FRMPD4: variants seen among roughly 807,000 people sequenced by gnomAD.
FRMPD4 encodes FERM and PDZ domain-containing protein 4.
FRMPD4 carries 22 observed loss-of-function variants against 94.1 expected under a neutral mutation model. That is an observed-to-expected ratio of 0.23 (90% CI 0.17 to 0.33). The LOEUF is 0.33. Among genes scored for constraint, FRMPD4 ranks in the 10% least tolerant of loss-of-function variants. FRMPD4 has a pLI of 1.00. For missense variants in FRMPD4, 1,111 were observed against 1,339.9 expected (o/e 0.83, Z 2.67); for synonymous variants, 631 against 548.6 (o/e 1.15, Z -2.10).
chrX:11,876,845 G>A (rs772170961), intron 2 of FRMPD4, among the ~76,000 whole-genome samples: 1 of 112,509 alleles, frequency 8.9e-6, no homozygotes, highest in African/African-American at 3.2e-5. Context: ...GTCTATAGCA[G>A]TGGTTTCAAC....
chrX:12,362,713 A>G (rs1183351271), intron 1 of FRMPD4, among the ~76,000 whole-genome samples: 3 of 111,873 alleles, frequency 2.7e-5, no homozygotes, highest in Admixed American at 1.9e-4. Flanking sequence ...TCCTTTGGGT[A>G]TATACCCAGT....
chrX:12,253,621 C>G (rs1029093778), intron 1 of FRMPD4, among the ~76,000 whole-genome samples: 2 of 111,027 alleles, frequency 1.8e-5, no homozygotes, highest in Non-Finnish European at 3.8e-5. Context: ...AGAATTATTC[C>G]AAGTGTATTT....
chrX:12,696,589 A>C (rs2060135106), intron 9 of FRMPD4, among the ~76,000 whole-genome samples: 1 of 99,985 alleles, frequency 1.0e-5, no homozygotes, highest in African/African-American at 4.2e-5. Flanking sequence ...AATGAAGCAA[A>C]AAAAAAAAAA....
Position 12,627,232 on chromosome X carries a change from C to T in FRMPD4, c.422+12351C>T, listed in dbSNP as rs975429855. ...TGGAGGTTTTAGTGAGCCGAGATCA[C>T]GCCATTGCACTCCAGCTTGGGCGAC... On this transcript the variant is annotated intron_variant, in intron 4 of 16. Transcript: ENST00000675598. 8.9e-5 allele frequency among the ~76,000 whole-genome samples: 10 copies of T among 112,086 alleles called. No homozygotes were observed. In the East Asian group the frequency reaches 1.1e-3, roughly 12 times the overall value.
At chrX:12,521,472 C>T (rs767240411) in intron 2 of FRMPD4, among the ~76,000 whole-genome samples, 12 of 111,837 alleles carry the variant, frequency 1.1e-4, no homozygotes, top group Admixed American at 3.8e-4. Flanking sequence ...CAAGATAATA[C>T]GCTGTTAAAT....
chrX:12,685,876 T>C (rs966587364), intron 6 of FRMPD4, among the ~76,000 whole-genome samples: 1 of 112,078 alleles, frequency 8.9e-6, no homozygotes, highest in African/African-American at 3.2e-5. Context: ...GTGGGGAATC[T>C]TGAGTTAAAA....
chrX:12,062,588 C>T (rs1179154604), intron 3 of FRMPD4, among the ~76,000 whole-genome samples: 2 of 111,590 alleles, frequency 1.8e-5, no homozygotes, highest in African/African-American at 6.5e-5. Flanking sequence ...CTCCAAGACT[C>T]AAGTCATTCT....
At chrX:12,559,225 G>A (rs1185669895) in intron 2 of FRMPD4, among the ~76,000 whole-genome samples, 1 of 112,481 alleles carries the variant, frequency 8.9e-6, no homozygotes, top group African/African-American at 3.2e-5. Context: ...TATTGGAGGA[G>A]TAGAAAGAAT....
intron 1 of FRMPD4, among the ~76,000 whole-genome samples, chrX:12,242,690 A>G (rs188782414): frequency 1.2e-4 from 13 of 112,649 alleles, no homozygotes; most frequent in Non-Finnish European, 1.7e-4. Flanking sequence ...TGCAAAGTAT[A>G]TAGAGACCTG....
intron 3 of FRMPD4, among the ~76,000 whole-genome samples, chrX:12,084,580 C>A (rs766995006): frequency 8.9e-6 from 1 of 112,184 alleles, no homozygotes; most frequent in South Asian, 3.7e-4. Flanking sequence ...AAGCCAAAAT[C>A]TTTGGTGGGT....
exon 1 of FRMPD4, among the ~76,000 whole-genome samples, chrX:11,822,615 A>G (rs1244244097): frequency 8.9e-6 from 1 of 112,495 alleles, no homozygotes; most frequent in Non-Finnish European, 1.9e-5. Flanking sequence ...CCAGGAGGCA[A>G]GCCTGAGGCT....
chrX:11,959,031 G>A (rs1438107281), intron 3 of FRMPD4, among the ~76,000 whole-genome samples: 1 of 112,460 alleles, frequency 8.9e-6, no homozygotes, highest in African/African-American at 3.2e-5. Context: ...CACAGTGAGG[G>A]TGTATCCTGA....
chrX:12,713,904 TTTCTTCTTCTC>T (rs1483035197), intron 14 of FRMPD4, among the ~76,000 whole-genome samples: 3 of 111,956 alleles, frequency 2.7e-5, no homozygotes, highest in Non-Finnish European at 5.6e-5. Flanking sequence ...ACAGCCCCCA[TTTCTTCTTCTC>T]TATCTTGAAA....
At chrX:12,280,766 C>T (rs981847228) in intron 1 of FRMPD4, among the ~76,000 whole-genome samples, 3 of 111,551 alleles carry the variant, frequency 2.7e-5, no homozygotes, top group African/African-American at 9.8e-5. Flanking sequence ...CTCTCTGTTT[C>T]AGCCTAGCCA....
intron 3 of FRMPD4, among the ~76,000 whole-genome samples, chrX:12,112,292 T>C (rs2055370801): frequency 9.0e-6 from 1 of 111,194 alleles, no homozygotes; most frequent in African/African-American, 3.3e-5. Flanking sequence ...CTGGAAACCA[T>C]CATTCTCAGC....
intron 1 of FRMPD4, among the ~76,000 whole-genome samples, chrX:12,265,963 CT>C (rs1445427410): frequency 1.9e-5 from 2 of 106,191 alleles, no homozygotes; most frequent in African/African-American, 6.9e-5. Context: ...ACCATCTCTA[CT>C]AAAAAAAATA....
intron 3 of FRMPD4, among the ~76,000 whole-genome samples, chrX:12,104,705 T>C (rs1370660897): frequency 8.9e-6 from 1 of 112,609 alleles, no homozygotes; most frequent in Non-Finnish European, 1.9e-5. Flanking sequence ...ACTTGCTATA[T>C]GCTAGACACC....
chrX:11,858,444 A>C (rs1255067229), intron 1 of FRMPD4, among the ~76,000 whole-genome samples: 1 of 111,416 alleles, frequency 9.0e-6, no homozygotes, highest in African/African-American at 3.3e-5. Context: ...TAGCAAACTA[A>C]CACAGGAACA....
chrX:12,028,269 C>A (rs1012739520), intron 3 of FRMPD4, among the ~76,000 whole-genome samples: 3 of 112,043 alleles, frequency 2.7e-5, no homozygotes, highest in African/African-American at 6.5e-5. Flanking sequence ...AATCTCTAGG[C>A]ATTCTTTTGT....
Sources: allele counts gnomAD v4.1 joint callset (sites outside exome capture counted in the v4.1 genomes callset), GRCh38; gene constraint gnomAD v4.1.1; transcripts MANE v1.5; gene names NCBI Gene and HGNC (gene_info 2026-07-23, HGNC 2026-07-21).